The following CRPPA variants were observed in gnomAD, a reference collection of about 807,000 sequenced individuals.
CRPPA encodes D-ribitol-5-phosphate cytidylyltransferase.
CRPPA carries 43 observed loss-of-function variants against 52.0 expected under a neutral mutation model. The observed-to-expected ratio is 0.83, with a 90% CI of 0.65 to 1.07. The LOEUF is 1.07. CRPPA is among the 50% of genes least tolerant of loss of function. CRPPA has a pLI of 0.00. For missense variants in CRPPA, 629 were observed against 551.7 expected, an observed-to-expected ratio of 1.14 and a Z score of -1.40; for synonymous variants, 250 against 203.5, an observed-to-expected ratio of 1.23 and a Z score of -1.94.
intron 3 of CRPPA, among the ~76,000 whole-genome samples, chr7:16,360,258 T>G (rs1420101748): frequency 1.3e-5 from 2 of 152,230 alleles, no homozygotes; most frequent in African/African-American, 4.8e-5. Flanking sequence ...TGCTGTATTT[T>G]ATACTATTAA....
chr7:16,123,738 T>C (rs1380657274), intron 9 of CRPPA, among the ~76,000 whole-genome samples: 1 of 152,188 alleles, frequency 6.6e-6, no homozygotes, highest in Non-Finnish European at 1.5e-5. Flanking sequence ...AAATTCGTGA[T>C]TGTTTAACCG....
intron 3 of CRPPA, among the ~76,000 whole-genome samples, chr7:16,363,077 T>C (rs1786499474): frequency 6.6e-6 from 1 of 152,208 alleles, no homozygotes; most frequent in Admixed American, 6.5e-5. Flanking sequence ...ATAACCATTA[T>C]GGAAATTGAA....
chr7:16,381,283 C>A (rs984961485), intron 2 of CRPPA, among the ~76,000 whole-genome samples: 2 of 152,116 alleles, frequency 1.3e-5, no homozygotes, highest in African/African-American at 4.8e-5. Flanking sequence ...TGTTCAGTTT[C>A]CATGTAGTTG....
At chr7:16,273,465 G>C (rs1784134070) in intron 6 of CRPPA, among the ~76,000 whole-genome samples, 1 of 152,002 alleles carries the variant, frequency 6.6e-6, no homozygotes, top group African/African-American at 2.4e-5. Flanking sequence ...GACTTCAGAA[G>C]GACGGCTTGA....
At position 16,398,379 on chromosome 7, in the gene CRPPA, AT is replaced by A. The variant is rs1405054886; in HGVS notation, c.534+7681del. ...GTGACAGAGGCAAGACCAGGGCATGATTGACATGTGACTGACACGTGACCAA... is the reference window on the plus strand; with the variant it reads ...GTGACAGAGGCAAGACCAGGGCATGATGACATGTGACTGACACGTGACCAA... On this transcript the variant is annotated intron_variant, in intron 2 of 9. Transcript: ENST00000407010. Among the ~76,000 whole-genome samples, 3 of 114,050 alleles carry A rather than the reference AT, an allele frequency of 2.6e-5. No individual in the cohort carries two copies. In the East Asian group the frequency reaches 8.5e-4, roughly 32 times the overall value. The allele number at this position is 114,050 out of a possible 152,430, so 74.8% of individuals were successfully genotyped here.
intron 2 of CRPPA, among the ~76,000 whole-genome samples, chr7:16,399,360 T>G (rs1453175923): frequency 6.6e-6 from 1 of 151,362 alleles, no homozygotes; most frequent in African/African-American, 2.4e-5. Context: ...CTGACATGAT[T>G]GACGTGACAC....
intron 9 of CRPPA, among the ~76,000 whole-genome samples, chr7:16,128,717 A>G (rs1376101906): frequency 6.6e-6 from 1 of 152,194 alleles, no homozygotes; most frequent in Non-Finnish European, 1.5e-5. Context: ...ATTTGTCCCT[A>G]ATAACAAACC....
chr7:16,390,971 A>C (rs1176903744), intron 2 of CRPPA, among the ~76,000 whole-genome samples: 1 of 152,134 alleles, frequency 6.6e-6, no homozygotes, highest in African/African-American at 2.4e-5. Context: ...TATTTAACAC[A>C]ATCTACAGTC....
intron 3 of CRPPA, among the ~76,000 whole-genome samples, chr7:16,344,536 G>T (rs1442898239): frequency 1.3e-5 from 2 of 151,456 alleles, no homozygotes; most frequent in African/African-American, 4.9e-5. Flanking sequence ...GAGCAACAGA[G>T]ACCTTGTCTA....
chr7:16,335,007 G>C (rs1369866055), intron 3 of CRPPA, among the ~76,000 whole-genome samples: 1 of 151,862 alleles, frequency 6.6e-6, no homozygotes, highest in East Asian at 1.9e-4. Context: ...GACTCAAAAA[G>C]AACTCAGAAT....
chr7:16,418,238 A>T (rs1026286160), intron 1 of CRPPA, among the ~76,000 whole-genome samples: 1 of 152,234 alleles, frequency 6.6e-6, no homozygotes, highest in African/African-American at 2.4e-5. Context: ...ATCATGTTCC[A>T]TAAGCTCTTC....
At chr7:16,369,668 G>C (rs1172160180) in intron 3 of CRPPA, among the ~76,000 whole-genome samples, 1 of 152,106 alleles carries the variant, frequency 6.6e-6, no homozygotes, top group Non-Finnish European at 1.5e-5. Context: ...AAATAAGTAT[G>C]ATCTTTTTTT....
intron 9 of CRPPA, among the ~76,000 whole-genome samples, chr7:16,129,518 A>C (rs532942790): frequency 6.6e-6 from 1 of 152,002 alleles, no homozygotes; most frequent in Admixed American, 6.6e-5. Flanking sequence ...TCCCAATTTT[A>C]TGTGTTAGTG....
intron 3 of CRPPA, among the ~76,000 whole-genome samples, chr7:16,339,730 T>C (rs557787583): frequency 2.6e-5 from 4 of 152,292 alleles, no homozygotes; most frequent in Admixed American, 6.5e-5. Context: ...AGTATTCTGA[T>C]TGGAAAGAAG....
intron 9 of CRPPA, among the ~76,000 whole-genome samples, chr7:16,138,951 G>A (rs953908024): frequency 6.6e-5 from 10 of 151,986 alleles, no homozygotes; most frequent in Non-Finnish European, 1.0e-4. Flanking sequence ...ACAGGTGCCC[G>A]CCACCACACC....
chr7:16,212,426 G>C (rs950630717), intron 9 of CRPPA, among the ~76,000 whole-genome samples: 18 of 152,130 alleles, frequency 1.2e-4, no homozygotes, highest in Non-Finnish European at 2.6e-4. Context: ...ATGCTCCTCA[G>C]CCTTCTTCTG....
At chr7:16,251,134 G>GCATT (rs1332304185) in intron 8 of CRPPA, among the ~76,000 whole-genome samples, 1 of 151,814 alleles carries the variant, frequency 6.6e-6, no homozygotes, top group East Asian at 1.9e-4. Flanking sequence ...ACAAGGAAGG[G>GCATT]CATTACCTAT....
chr7:16,298,464 A>G (rs1268791978), intron 5 of CRPPA, among the ~76,000 whole-genome samples: 1 of 152,218 alleles, frequency 6.6e-6, no homozygotes, highest in Non-Finnish European at 1.5e-5. Context: ...AAACAATAAC[A>G]CTACTATAAT....
intron 9 of CRPPA, among the ~76,000 whole-genome samples, chr7:16,148,455 T>TA (rs1298147548): frequency 2.6e-5 from 4 of 152,094 alleles, no homozygotes; most frequent in African/African-American, 7.2e-5. Flanking sequence ...ATCCAGCCTT[T>TA]AAAAAACATT....
Sources: allele counts gnomAD v4.1 joint callset (sites outside exome capture counted in the v4.1 genomes callset), GRCh38; gene constraint gnomAD v4.1.1; transcripts MANE v1.5; gene names NCBI Gene and HGNC (gene_info 2026-07-23, HGNC 2026-07-21).